The following TLN2 variants were observed in gnomAD, a reference collection of about 807,000 sequenced individuals.
The protein encoded by TLN2 is talin 2.
TLN2 carries 118 observed loss-of-function variants against 294.7 expected under a neutral mutation model. That is an observed-to-expected ratio of 0.40 (90% CI 0.34 to 0.47). The LOEUF is 0.47. TLN2 is among the 20% of genes least tolerant of loss of function. The pLI is 0.84. For synonymous variants in TLN2, 1,431 were observed against 1,304.5 expected, an observed-to-expected ratio of 1.10 and a Z score of -2.09; for missense variants, 3,083 against 3,282.2, an observed-to-expected ratio of 0.94 and a Z score of 1.48.
At chr15:62,424,952 CTTT>C (rs529075856) in intron 1 of TLN2, among the ~76,000 whole-genome samples, 25,061 of 128,866 alleles carry the variant, frequency 0.19, 2,442 homozygotes, top group Non-Finnish European at 0.22. Context: ...CGTGCCTGGC[CTTT>C]TTTTTTTTTT....
Position 62,719,613 on chromosome 15 carries a change from G to A in TLN2, c.2878-154G>A, listed in dbSNP as rs7180668. Among the ~76,000 whole-genome samples the A allele has an allele frequency of 4.6e-5, 7 of 152,358 alleles. No homozygotes were observed. In the East Asian group the frequency reaches 1.3e-3, roughly 29 times the overall value. ...GGGATTCAGTGTTGGTAAGGACCCA[G>A]CTGGCTTAATGTGCAGTGTCTATCC... On this transcript the variant is annotated intron_variant, in intron 24 of 58. Coordinates refer to ENST00000636159, the MANE Select transcript of TLN2 (RefSeq NM_015059.3).
intron 54 of TLN2, 101 bp from the exon 55 acceptor site, chr15:62,833,403 T>C (rs2069087297): frequency 3.3e-6 from 5 of 1,508,132 alleles, no homozygotes; most frequent in African/African-American, 2.8e-5. Context: ...CAAAAAACAA[T>C]AGGCAGGTGA....
At chr15:62,676,873 C>A (rs551272028) in intron 11 of TLN2, among the ~76,000 whole-genome samples, 1 of 152,304 alleles carries the variant, frequency 6.6e-6, no homozygotes, top group East Asian at 1.9e-4. Flanking sequence ...CCTTGGCCTC[C>A]CAAAGTGCTA....
intron 2 of TLN2, among the ~76,000 whole-genome samples, chr15:62,613,224 G>A (rs1006238260): frequency 2.6e-5 from 4 of 152,210 alleles, no homozygotes; most frequent in African/African-American, 9.6e-5. Context: ...CAGGCATATG[G>A]TAAATACTCA....
intron 2 of TLN2, among the ~76,000 whole-genome samples, chr15:62,606,647 C>G (rs115162156): frequency 6.6e-6 from 1 of 152,270 alleles, no homozygotes; most frequent in African/African-American, 2.4e-5. Context: ...TTCCTAACCA[C>G]CAGACACTGC....
At chr15:62,793,858 A>AG (rs1427753718) in intron 46 of TLN2, among the ~76,000 whole-genome samples, 2 of 151,382 alleles carry the variant, frequency 1.3e-5, no homozygotes, top group Non-Finnish European at 3.0e-5. Flanking sequence ...AGGGGCGGGC[A>AG]GGGGGGACCC....
At chr15:62,576,548 A>G (rs971754140) in intron 1 of TLN2, among the ~76,000 whole-genome samples, 1 of 150,554 alleles carries the variant, frequency 6.6e-6, no homozygotes, top group African/African-American at 2.4e-5. Context: ...TACTTGCCCC[A>G]TAAGTACAGA....
chr15:62,710,670 A>G (rs984918143), intron 21 of TLN2, among the ~76,000 whole-genome samples: 2 of 151,686 alleles, frequency 1.3e-5, no homozygotes, highest in African/African-American at 4.8e-5. Flanking sequence ...GTGAACCACT[A>G]ACTAAACTAC....
chr15:62,699,380 C>T (rs2058568324), intron 16 of TLN2, among the ~76,000 whole-genome samples: 1 of 151,950 alleles, frequency 6.6e-6, no homozygotes, highest in Non-Finnish European at 1.5e-5. Context: ...CTGGACTCTT[C>T]CTCTATTTTT....
Position 62,783,790 on chromosome 15 carries a change from A to T in TLN2, c.5636A>T (p.Asn1879Ile). Residue 1879 changes from asparagine (N) to isoleucine (I), a missense_variant, in exon 45 of 59, where the codon AAC becomes ATC. Physicochemically the swap from Asn to Ile is moderately radical, Grantham distance 149. Coordinates refer to ENST00000636159, the MANE Select transcript of TLN2 (RefSeq NM_015059.3). ...TTCCAGATGACTAAGTCGGTTACTA[A>T]CCCGGAGGAGTTGGGAGGACTGGCT... ...AQEMMTKSVT[N>I]PEELGGLASQ... 1 of 1,606,980 alleles carries T rather than the reference A, an allele frequency of 6.2e-7. No individual in the cohort carries two copies. The highest frequency in any genetic ancestry group is 1.1e-5 in the South Asian group (1 of 90,908).
At chr15:62,708,006 C>T (rs79511365) in intron 20 of TLN2, among the ~76,000 whole-genome samples, 3,754 of 152,074 alleles carry the variant, frequency 0.025, 77 homozygotes, top group Middle Eastern at 0.054. Context: ...AGCATCGTCT[C>T]CCTCAAGCTT....
At chr15:62,430,278 G>T (rs1480296869) in intron 1 of TLN2, among the ~76,000 whole-genome samples, 1 of 152,194 alleles carries the variant, frequency 6.6e-6, no homozygotes, top group Non-Finnish European at 1.5e-5. Flanking sequence ...TGTGTCTTAA[G>T]TGGAAAGCAA....
At chr15:62,781,048 C>G (rs2064121263) in intron 43 of TLN2, 92 bp from the exon 44 acceptor site, 1 of 932,692 alleles carries the variant, frequency 1.1e-6, no homozygotes, top group African/African-American at 1.7e-5. Flanking sequence ...CTGAGGCCCT[C>G]TCTGTTTTTC....
intron 58 of TLN2, among the ~76,000 whole-genome samples, chr15:62,840,276 C>G (rs1193560559): frequency 2.6e-5 from 4 of 152,102 alleles, no homozygotes; most frequent in Non-Finnish European, 1.5e-5. Flanking sequence ...CAGGCCAGAA[C>G]CAGCGTGTTT....
intron 1 of TLN2, among the ~76,000 whole-genome samples, chr15:62,487,897 C>T (rs1050716552): frequency 1.1e-4 from 17 of 150,820 alleles, no homozygotes; most frequent in African/African-American, 3.2e-4. Context: ...AGTGAGAATC[C>T]GTCTCAAAAA....
chr15:62,467,244 A>T (rs962358240), intron 1 of TLN2, among the ~76,000 whole-genome samples: 1 of 152,212 alleles, frequency 6.6e-6, no homozygotes, highest in African/African-American at 2.4e-5. Context: ...ATTGAGCAGT[A>T]GGTTATTGTC....
intron 1 of TLN2, among the ~76,000 whole-genome samples, chr15:62,420,919 T>C (rs1485420502): frequency 6.6e-6 from 1 of 152,166 alleles, no homozygotes; most frequent in African/African-American, 2.4e-5. Context: ...CCATTTAGAT[T>C]AAGTAAATTT....
chr15:62,517,330 G>T (rs950680825), intron 1 of TLN2, among the ~76,000 whole-genome samples: 5 of 152,048 alleles, frequency 3.3e-5, no homozygotes, highest in South Asian at 2.1e-4. Context: ...CACAGTAAAG[G>T]TTCACACATT....
chr15:62,505,075 G>T (rs1389119303), intron 1 of TLN2, among the ~76,000 whole-genome samples: 2 of 152,090 alleles, frequency 1.3e-5, no homozygotes, highest in Non-Finnish European at 2.9e-5. Context: ...TCCTGCCTCA[G>T]CTTCCCGAGT....
Sources: gnomAD v4.1 joint callset for allele counts (sites outside exome capture counted in the v4.1 genomes callset) on GRCh38, gnomAD v4.1.1 for gene constraint, MANE v1.5 for transcripts, NCBI Gene and HGNC (gene_info 2026-07-23, HGNC 2026-07-21) for gene names.